The following SLAMF9 variants were observed in gnomAD, a reference collection of about 807,000 sequenced individuals.
SLAMF9 encodes CD2 family member 10.
SLAMF9 carries 25 observed loss-of-function variants against 30.4 expected under a neutral mutation model. That is an observed-to-expected ratio of 0.82 (90% CI 0.60 to 1.15). SLAMF9 has a LOEUF of 1.15. SLAMF9 is among the 50% of genes most tolerant of loss of function. The pLI is 0.00. For synonymous variants in SLAMF9, 129 were observed against 127.2 expected (o/e 1.01, Z -0.09); for missense variants, 344 against 346.1 (o/e 0.99, Z 0.05).
At chr1:159,972,720 T>C in the SLAMF9 span, 4 of 268,612 alleles carry the variant, frequency 1.5e-5, no homozygotes, top group Non-Finnish European at 2.1e-5. Context: ...TCCATTGAGG[T>C]AGAACAAGTA....
chr1:159,972,870 C>T, the SLAMF9 span: 5 of 981,596 alleles, frequency 5.1e-6, no homozygotes, highest in South Asian at 3.4e-5. Context: ...GGAGGCTCAG[C>T]CTGACCACCC....
At chr1:159,967,531 C>A in the SLAMF9 span, among the ~76,000 whole-genome samples, 1 of 152,248 alleles carries the variant, frequency 6.6e-6, no homozygotes, top group Non-Finnish European at 1.5e-5. Flanking sequence ...AAAGTCAGGT[C>A]GTGTGATGCC....
chr1:159,955,984 A>C (rs1238864376), upstream of SLAMF9, among the ~76,000 whole-genome samples: 1 of 152,254 alleles, frequency 6.6e-6, no homozygotes, highest in Non-Finnish European at 1.5e-5. Flanking sequence ...AATTAGATCC[A>C]GCAATCCCAC....
the SLAMF9 span, chr1:159,973,082 T>C: frequency 1.3e-6 from 2 of 1,484,748 alleles, no homozygotes; most frequent in Admixed American, 2.3e-5. Context: ...GCCCAGAGTC[T>C]CCCTCCTTGA....
At chr1:159,974,000 A>T in the SLAMF9 span, 1 of 1,609,376 alleles carries the variant, frequency 6.2e-7, no homozygotes, top group Non-Finnish European at 8.5e-7. Flanking sequence ...TCCATCCCTG[A>T]CATCACAGAG....
chr1:159,975,987 G>T, the SLAMF9 span, among the ~76,000 whole-genome samples: 1 of 152,152 alleles, frequency 6.6e-6, no homozygotes, highest in Non-Finnish European at 1.5e-5. Flanking sequence ...TCTGTTCTGG[G>T]CTGGAGATAG....
rs1651755536 is a variant in SLAMF9 at position 159,951,822 on chromosome 1, G to A, written c.709C>T (p.Leu237=). The A allele has an allele frequency of 1.2e-6, 2 of 1,614,084 alleles. No homozygotes were observed. The highest frequency in any genetic ancestry group is 1.3e-5 in the African/African-American group (1 of 74,926). The change falls in exon 4 of 4, where the codon CTG becomes TTG. Residue 237 remains leucine, a synonymous_variant. Transcript: ENST00000368093. ...AAGAAGATGAGCAATCCCTTGGCCA[G>A]GAGGCAGAAGGCTGTTGAAGGCTTC... ...SEKPSTAFCL[L]AKGLLIFLLL...
At chr1:159,955,398 C>A (rs1336528640), upstream of SLAMF9, among the ~76,000 whole-genome samples, 2 of 152,178 alleles carry the variant, frequency 1.3e-5, no homozygotes, top group African/African-American at 4.8e-5. Context: ...ACTGGATAAT[C>A]TTTAAGTTTC....
chr1:159,966,776 T>C, the SLAMF9 span, among the ~76,000 whole-genome samples: 1 of 152,332 alleles, frequency 6.6e-6, no homozygotes, highest in Middle Eastern at 3.4e-3. Flanking sequence ...TTGAGAAGTG[T>C]CTGTTCTAGT....
At position 159,952,290 on chromosome 1, in the gene SLAMF9, GC is replaced by G; in HGVS notation, c.635del (p.Cys212SerfsTer37). On this transcript the variant is annotated frameshift_variant, in exon 3 of 4. Transcript: ENST00000368093. LOFTEE classifies it high-confidence loss of function. ...CATAGAAGGGCCCATCAGGGATGGG[GC>G]AAGAACTGACGTTGCTGATGGGGTT... ...ANNPISNVSS[C>X]PIPDGPFYAD... 6.2e-7 allele frequency: 1 copy of G among 1,614,138 alleles called. No homozygotes were observed. Among genetic ancestry groups the G allele is most frequent in the Non-Finnish European group, 8.5e-7 (1 of 1,180,004 alleles).
chr1:159,973,036 C>T, the SLAMF9 span: 1 of 1,426,132 alleles, frequency 7.0e-7, no homozygotes, highest in Non-Finnish European at 9.2e-7. Flanking sequence ...TGCTTCTGGA[C>T]CTGGCCACCC....
At chr1:159,982,435 C>T in the SLAMF9 span, among the ~76,000 whole-genome samples, 3 of 152,210 alleles carry the variant, frequency 2.0e-5, no homozygotes, top group African/African-American at 7.2e-5. Context: ...CACTCATACA[C>T]ACACACTTCT....
chr1:159,959,857 A>G, the SLAMF9 span, among the ~76,000 whole-genome samples: 1 of 151,992 alleles, frequency 6.6e-6, no homozygotes, highest in South Asian at 2.1e-4. Context: ...TCAAGGGCAG[A>G]TCTCCCTCAC....
intron 3 of SLAMF9, 128 bp downstream of exon 3, chr1:159,952,134 C>A (rs1571227913): frequency 8.9e-7 from 1 of 1,124,538 alleles, no homozygotes; most frequent in East Asian, 2.4e-5. Flanking sequence ...ATCCAGGTGT[C>A]AAGCCTCCAT....
the SLAMF9 span, among the ~76,000 whole-genome samples, chr1:159,975,208 C>T: frequency 1.6e-4 from 25 of 152,254 alleles, no homozygotes; most frequent in African/African-American, 5.8e-4. Flanking sequence ...TTATTGAGTA[C>T]CTCTACATGC....
chr1:159,964,456 C>T, the SLAMF9 span, among the ~76,000 whole-genome samples: 2 of 152,160 alleles, frequency 1.3e-5, no homozygotes, highest in Non-Finnish European at 2.9e-5. Context: ...AGCCAGGGAG[C>T]TTCAACCACA....
chr1:159,976,739 T>C, the SLAMF9 span: 1 of 151,690 alleles, frequency 6.6e-6, no homozygotes, highest in Non-Finnish European at 1.5e-5. Context: ...CAGTATACAA[T>C]GGGAATGGTT....
chr1:159,955,073 G>T (rs543236411), upstream of SLAMF9, among the ~76,000 whole-genome samples: 7 of 141,570 alleles, frequency 4.9e-5, no homozygotes, highest in Non-Finnish European at 9.1e-5. Context: ...GCAAGACTCT[G>T]TCTCAAAGCA....
At chr1:159,970,239 G>A in the SLAMF9 span, among the ~76,000 whole-genome samples, 2 of 152,160 alleles carry the variant, frequency 1.3e-5, no homozygotes, top group African/African-American at 2.4e-5. Flanking sequence ...TTAGCTGAAT[G>A]ATTAGAAAGA....
Sources: gnomAD v4.1 joint callset for allele counts (sites outside exome capture counted in the v4.1 genomes callset) on GRCh38, gnomAD v4.1.1 for gene constraint, MANE v1.5 for transcripts, NCBI Gene and HGNC (gene_info 2026-07-23, HGNC 2026-07-21) for gene names.